Variants in CFHR5 observed in about 807,000 individuals in gnomAD.
CFHR5 encodes complement factor H-related protein 5.
CFHR5 carries 73 observed loss-of-function variants against 62.9 expected under a neutral mutation model. The ratio of observed to expected loss-of-function variants is 1.16; its 90% CI spans 0.96 to 1.41. The LOEUF is 1.41. Among genes scored for constraint, CFHR5 ranks in the 40% most tolerant of loss-of-function variants. The probability of loss-of-function intolerance (pLI) is 0.00; values close to 1 mark genes in which losing one functional copy is unlikely to be tolerated. For synonymous variants in CFHR5, 249 were observed against 227.2 expected (o/e 1.10, Z -0.86); for missense variants, 779 against 679.9 (o/e 1.15, Z -1.62).
chr1:197,004,526 C>A, intron 8 of CFHR5, 135 bp from the exon 9 acceptor site: 1 of 739,866 alleles, frequency 1.4e-6, no homozygotes, highest in South Asian at 1.7e-5. Context: ...TTGAATCAGA[C>A]TTTATGACAG....
At position 196,985,502 on chromosome 1, in the gene CFHR5, A is replaced by AC. The variant is rs201560176; in HGVS notation, c.430+1365_430+1366insC. 7.5e-4 allele frequency among the ~76,000 whole-genome samples: 115 copies of AC among 152,330 alleles called. 1 individual carries two copies. In the East Asian group the frequency reaches 0.02, roughly 27 times the overall value. On this transcript the variant is annotated intron_variant, in intron 3 of 9. Coordinates refer to ENST00000256785, the MANE Select transcript of CFHR5 (RefSeq NM_030787.4). Reference sequence around the variant, plus strand: ...ACATTATTAACATTTGCAAAAAAAAAAAATAACAAATGTTACTAACACTAG... The same window carrying AC: ...ACATTATTAACATTTGCAAAAAAAAACAAATAACAAATGTTACTAACACTAG...
intron 1 of CFHR5, among the ~76,000 whole-genome samples, chr1:196,981,468 A>T (rs910768683): frequency 6.6e-6 from 1 of 152,024 alleles, no homozygotes; most frequent in Admixed American, 6.6e-5. Context: ...AAAACTGTAA[A>T]TAAAAAATTA....
intron 9 of CFHR5, among the ~76,000 whole-genome samples, chr1:197,006,309 C>T (rs1654286544): frequency 6.6e-6 from 1 of 152,062 alleles, no homozygotes; most frequent in African/African-American, 2.4e-5. Flanking sequence ...AGCAAAAAAA[C>T]CCATCATAGA....
chr1:196,995,352 C>T (rs1178232642), intron 4 of CFHR5, among the ~76,000 whole-genome samples: 1 of 151,946 alleles, frequency 6.6e-6, no homozygotes, highest in African/African-American at 2.4e-5. Context: ...AGGCAAATGT[C>T]TTTATGAGAT....
intron 3 of CFHR5, among the ~76,000 whole-genome samples, chr1:196,990,410 A>T (rs1409784010): frequency 2.0e-5 from 3 of 152,062 alleles, no homozygotes; most frequent in African/African-American, 7.2e-5. Flanking sequence ...TGATCCTGTT[A>T]TTGTGATGTT....
intron 2 of CFHR5, 130 bp downstream of exon 2, chr1:196,983,209 T>C (rs751999037): frequency 1.8e-4 from 218 of 1,199,748 alleles, no homozygotes; most frequent in Non-Finnish European, 2.4e-4. Context: ...GGAGATGTAG[T>C]CCTCCTATTT....
chr1:196,988,141 G>T (rs140419548), intron 3 of CFHR5, among the ~76,000 whole-genome samples: 1 of 152,044 alleles, frequency 6.6e-6, no homozygotes, highest in African/African-American at 2.4e-5. Context: ...ATTGAGAAGG[G>T]GAGTTCACTC....
intron 3 of CFHR5, 103 bp downstream of exon 3, chr1:196,984,240 T>A: frequency 1.0e-6 from 1 of 976,510 alleles, no homozygotes; most frequent in South Asian, 1.5e-5. Flanking sequence ...CCACTACTTC[T>A]ATCATTATTT....
intron 4 of CFHR5, 140 bp from the exon 5 acceptor site, chr1:196,995,577 T>C (rs776015445): frequency 4.2e-6 from 3 of 708,120 alleles, no homozygotes; most frequent in Non-Finnish European, 5.0e-6. Context: ...ATACACTATG[T>C]ACACTGCAAA....
At position 196,995,289 on chromosome 1, in the gene CFHR5, T is replaced by C. The variant is rs115898457; in HGVS notation, c.608-428T>C. Among the ~76,000 whole-genome samples the C allele has an allele frequency of 1.6e-3, 240 of 152,250 alleles. 2 individuals carry two copies. The highest frequency in any genetic ancestry group is 5.5e-3 in the African/African-American group (229 of 41,546). ...TAAATATAGAGAGGATATAAGATTG[T>C]ACTAAGAAAATATTATTAATTTGGT... On this transcript the variant is annotated intron_variant, in intron 4 of 9. Transcript: ENST00000256785.
intron 2 of CFHR5, 43 bp downstream of exon 2, chr1:196,983,122 A>G (rs768577178): frequency 1.2e-6 from 2 of 1,610,698 alleles, no homozygotes; most frequent in South Asian, 2.2e-5. Flanking sequence ...CATTCAGTGA[A>G]TAGAGAAGGA....
chr1:196,994,353 C>T, intron 4 of CFHR5, 97 bp downstream of exon 4: 1 of 1,028,386 alleles, frequency 9.7e-7, no homozygotes, highest in Non-Finnish European at 1.5e-6. Flanking sequence ...TATAATCTGA[C>T]AAAGTGGTAA....
chr1:196,975,430 G>T (rs1653374988), upstream of CFHR5, among the ~76,000 whole-genome samples: 1 of 152,182 alleles, frequency 6.6e-6, no homozygotes, highest in Non-Finnish European at 1.5e-5. Flanking sequence ...GGAAAATGGA[G>T]AAATTAATGA....
intron 9 of CFHR5, 51 bp downstream of exon 9, chr1:197,004,894 AT>A (rs890273869): frequency 6.4e-6 from 9 of 1,416,160 alleles, no homozygotes; most frequent in South Asian, 1.2e-5. Flanking sequence ...TTATAGTGTA[AT>A]TTTTTTGGAC....
chr1:197,001,367 C>G (rs1344808503), intron 7 of CFHR5, among the ~76,000 whole-genome samples: 1 of 151,882 alleles, frequency 6.6e-6, no homozygotes, highest in Non-Finnish European at 1.5e-5. Context: ...TTTATACTGA[C>G]CTCAGGTTCT....
intron 3 of CFHR5, among the ~76,000 whole-genome samples, chr1:196,990,478 C>A (rs907506803): frequency 1.3e-5 from 2 of 152,118 alleles, no homozygotes; most frequent in Non-Finnish European, 2.9e-5. Flanking sequence ...ATGGTCTTTA[C>A]AATTTGGCAT....
At chr1:196,979,693 T>G (rs1653488553) in intron 1 of CFHR5, among the ~76,000 whole-genome samples, 2 of 152,098 alleles carry the variant, frequency 1.3e-5, no homozygotes, top group Non-Finnish European at 2.9e-5. Flanking sequence ...GTAAACTTCA[T>G]GAACACTGAA....
rs115988764 is a variant in CFHR5 at position 196,993,925 on chromosome 1, T to C, written c.431-155T>C. On this transcript the variant is annotated intron_variant, in intron 3 of 9. Transcript: ENST00000256785. ...GCCTGAGGGGTCTTAGATATATTTATTGGGTATAAATAATTAGTCTATATG... is the reference window on the plus strand; with the variant it reads ...GCCTGAGGGGTCTTAGATATATTTACTGGGTATAAATAATTAGTCTATATG... Among the ~76,000 whole-genome samples the C allele has an allele frequency of 4.8e-3, 726 of 152,290 alleles. 3 individuals are homozygous for C. The highest frequency in any genetic ancestry group is 0.01 in the Middle Eastern group (3 of 294).
chr1:197,007,614 A>G (rs1654321666), intron 9 of CFHR5, among the ~76,000 whole-genome samples: 1 of 149,630 alleles, frequency 6.7e-6, no homozygotes, highest in South Asian at 2.1e-4. Flanking sequence ...ATATAAATAT[A>G]TTACATATTA....
Sources: gnomAD v4.1 joint callset for allele counts (sites outside exome capture counted in the v4.1 genomes callset) on GRCh38, gnomAD v4.1.1 for gene constraint, MANE v1.5 for transcripts, NCBI Gene and HGNC (gene_info 2026-07-23, HGNC 2026-07-21) for gene names.